Variants in PDLIM5 observed in about 807,000 individuals in gnomAD.
PDLIM5 encodes PDZ and LIM domain protein 5.
A neutral mutation model predicts 64.2 loss-of-function variants in PDLIM5; 34 were observed. That is an observed-to-expected ratio of 0.53 (90% confidence interval 0.40 to 0.71). The LOEUF (loss-of-function observed/expected upper bound fraction) is 0.71. Among genes scored for constraint, PDLIM5 ranks in the 30% least tolerant of loss-of-function variants. PDLIM5 has a pLI of 0.00. For synonymous variants in PDLIM5, 253 were observed against 269.1 expected (o/e 0.94, Z 0.59); for missense variants, 683 against 733.6 (o/e 0.93, Z 0.80).
chr4:94,664,061 T>A lies in PDLIM5; in HGVS notation c.1785T>A (p.Asn595Lys), dbSNP rs1742944102. The change falls in exon 13 of 13, where the codon AAT (asparagine) becomes AAA (lysine). Residue 595 changes from asparagine (N) to lysine (K), a missense_variant. Physicochemically the swap from Asn to Lys is moderately conservative, Grantham distance 94. Coordinates refer to ENST00000317968, the MANE Select transcript of PDLIM5 (RefSeq NM_006457.5). ...GTAAGAAACATGCTCATTCTGTGAA[T>A]TTTTGAAAGTCAACAGTTCAGGAGA... The part of the protein sequence containing the change: ...PLCKKHAHSV[N>K]F The A allele has an allele frequency of 6.3e-7, 1 of 1,599,588 alleles. No individual in the cohort carries two copies. Among genetic ancestry groups the A allele is most frequent in the African/African-American group, 1.3e-5 (1 of 74,636 alleles).
chr4:94,662,581 C>A (rs1369877500), intron 12 of PDLIM5, 44 bp downstream of exon 12: 3 of 812,398 alleles, frequency 3.7e-6, no homozygotes, highest in African/African-American at 1.7e-5. Context: ...ATAGTATGGC[C>A]AATTCTAGCT....
At chr4:94,549,326 G>C (rs1732597163) in intron 3 of PDLIM5, among the ~76,000 whole-genome samples, 1 of 152,092 alleles carries the variant, frequency 6.6e-6, no homozygotes, top group Admixed American at 6.5e-5. Context: ...TTCTCCTGTA[G>C]ATTGCCTATT....
intron 7 of PDLIM5, chr4:94,608,204 T>C (rs1171823020): frequency 6.7e-7 from 1 of 1,495,320 alleles, no homozygotes; most frequent in Non-Finnish European, 9.0e-7. Context: ...TTGGTGTTTC[T>C]AAATTTCAAA....
At chr4:94,571,468 G>A (rs1734793355) in intron 3 of PDLIM5, among the ~76,000 whole-genome samples, 1 of 152,072 alleles carries the variant, frequency 6.6e-6, no homozygotes. Flanking sequence ...CACCAAGGAG[G>A]GTGAACAATA....
At chr4:94,463,312 C>T (rs1277452440) in intron 2 of PDLIM5, among the ~76,000 whole-genome samples, 1 of 152,116 alleles carries the variant, frequency 6.6e-6, no homozygotes, top group Non-Finnish European at 1.5e-5. Flanking sequence ...ACTTTTGACT[C>T]CCCCAAAACT....
intron 7 of PDLIM5, chr4:94,611,099 C>G: frequency 6.5e-7 from 1 of 1,534,226 alleles, no homozygotes; most frequent in Non-Finnish European, 8.7e-7. Flanking sequence ...ATCACTCACT[C>G]CTGGATGCAC....
Position 94,630,670 on chromosome 4 carries a change from C to T in PDLIM5, c.1109-9606C>T, listed in dbSNP as rs557424837. Among the ~76,000 whole-genome samples the T allele has an allele frequency of 2.1e-4, 32 of 152,112 alleles. No individual in the cohort carries two copies. The South Asian group carries it at 3.9e-3, about 19-fold the overall frequency. ...GATAATAGGCGTGAGCTACTGCGCC[C>T]GGCCTAGTATCCATTGATATTTTCA... On this transcript the variant is annotated intron_variant, in intron 8 of 12. Transcript: ENST00000317968.
At chr4:94,487,517 C>A (rs1347194607) in intron 2 of PDLIM5, among the ~76,000 whole-genome samples, 74 of 152,148 alleles carry the variant, frequency 4.9e-4, no homozygotes, top group Non-Finnish European at 7.4e-5. Context: ...GCTTTCACAC[C>A]TCTTGCAGCC....
chr4:94,582,671 C>G, intron 5 of PDLIM5: 1 of 1,404,344 alleles, frequency 7.1e-7, no homozygotes, highest in Non-Finnish European at 1.0e-6. Flanking sequence ...TCAATGTCTT[C>G]TCTACTCTAT....
At chr4:94,455,166 CT>C (rs1417216548) in intron 1 of PDLIM5, 80 bp from the exon 2 acceptor site, 1 of 616,200 alleles carries the variant, frequency 1.6e-6, no homozygotes, top group Non-Finnish European at 2.9e-6. Context: ...TCTCACCCCC[CT>C]CAAACAAAAT....
intron 3 of PDLIM5, among the ~76,000 whole-genome samples, chr4:94,564,485 A>G (rs1170489344): frequency 6.6e-6 from 1 of 151,972 alleles, no homozygotes; most frequent in African/African-American, 2.4e-5. Flanking sequence ...TTCTGTTCAG[A>G]GTTCACCTCA....
In PDLIM5 at chr4:94,666,299, G is replaced by A; in HGVS notation, c.*2232G>A. 5.8e-6 allele frequency: 2 copies of A among 344,412 alleles called. No individual in the cohort carries two copies. The highest frequency in any genetic ancestry group is 1.0e-5 in the Non-Finnish European group (2 of 191,810). The allele number at this position is 344,412 out of a possible 1,614,324, so 21.3% of individuals were successfully genotyped here. ...AGATAATAATTAACTGGGGATAAAA[G>A]AATGGCAAGGGGTGACACAAAGTAG... is the stretch of plus-strand genomic sequence containing the variant. On this transcript the variant is annotated 3_prime_UTR_variant, in exon 13 of 13. Coordinates refer to ENST00000317968, the MANE Select transcript of PDLIM5 (RefSeq NM_006457.5).
intron 5 of PDLIM5, among the ~76,000 whole-genome samples, chr4:94,583,775 C>T (rs1300811924): frequency 2.0e-5 from 3 of 152,016 alleles, no homozygotes; most frequent in African/African-American, 4.8e-5. Context: ...TATTCATAGT[C>T]GTAGAACATG....
rs1369595239 is a variant in PDLIM5, at chr4:94,654,617, C to G, written c.1441C>G (p.Arg481Gly). The G allele has an allele frequency of 6.2e-7, 1 of 1,610,212 alleles. No homozygotes were observed. The highest frequency in any genetic ancestry group is 8.5e-7 in the Non-Finnish European group (1 of 1,176,900). ...GAAATTCTTTGCCCCTGAATGTGGT[C>G]GATGCCAAAGGAAGATCCTTGGAGT... ...YEKFFAPECG[R>G]CQRKILGEVI... Residue 481 changes from arginine (R) to glycine (G), a missense_variant, in exon 10 of 13, where the codon CGA becomes GGA. Physicochemically the swap from Arg to Gly is moderately radical, Grantham distance 125. Coordinates refer to ENST00000317968, the MANE Select transcript of PDLIM5 (RefSeq NM_006457.5).
At chr4:94,524,444 G>A (rs1730154163) in intron 3 of PDLIM5, among the ~76,000 whole-genome samples, 1 of 151,492 alleles carries the variant, frequency 6.6e-6, no homozygotes, top group African/African-American at 2.4e-5. Context: ...TTTCTCAATG[G>A]AGTGCAGGCT....
intron 2 of PDLIM5, among the ~76,000 whole-genome samples, chr4:94,506,906 A>G (rs1728444553): frequency 6.6e-6 from 1 of 152,068 alleles, no homozygotes; most frequent in South Asian, 2.1e-4. Flanking sequence ...AGAAGATGGG[A>G]TTATCTGTCT....
At chr4:94,631,828 A>G (rs1740172463) in intron 8 of PDLIM5, among the ~76,000 whole-genome samples, 1 of 151,958 alleles carries the variant, frequency 6.6e-6, no homozygotes, top group Non-Finnish European at 1.5e-5. Flanking sequence ...TATTTGTGTT[A>G]TTTGCTTTCC....
At chr4:94,481,417 G>A (rs1725839252) in intron 2 of PDLIM5, among the ~76,000 whole-genome samples, 1 of 151,546 alleles carries the variant, frequency 6.6e-6, no homozygotes, top group Admixed American at 6.6e-5. Flanking sequence ...CTGAGTAGCT[G>A]GGATTACAGG....
At position 94,538,021 on chromosome 4, in the gene PDLIM5, TG is replaced by T. The variant is rs201679336; in HGVS notation, c.248+14147del. Reference sequence around the variant, plus strand: ...AGGGGCAGTTATGAAGACATTTGTTTGATATTCCAGTCATTTCAAATGCCGT... The same window carrying T: ...AGGGGCAGTTATGAAGACATTTGTTTATATTCCAGTCATTTCAAATGCCGT... On this transcript the variant is annotated intron_variant, in intron 3 of 12. Transcript: ENST00000317968. Among the ~76,000 whole-genome samples the T allele has an allele frequency of 2.0e-3, 308 of 152,326 alleles. 5 individuals are homozygous for T. The East Asian group carries it at 0.048, about 24-fold the overall frequency.
Sources: gnomAD v4.1 joint callset for allele counts (sites outside exome capture counted in the v4.1 genomes callset) on GRCh38, gnomAD v4.1.1 for gene constraint, MANE v1.5 for transcripts, NCBI Gene and HGNC (gene_info 2026-07-23, HGNC 2026-07-21) for gene names.